The following C8orf34 variants were observed in gnomAD, a reference collection of about 807,000 sequenced individuals.
The protein encoded by C8orf34 is uncharacterized protein C8orf34.
In C8orf34, 65 loss-of-function variants were observed where a neutral mutation model predicts 68.3. The ratio of observed to expected loss-of-function variants is 0.95; its 90% CI spans 0.78 to 1.17. The LOEUF (loss-of-function observed/expected upper bound fraction) is 1.17, where lower values mean the gene tolerates loss of function less well. Among genes scored for constraint, C8orf34 ranks in the 50% most tolerant of loss-of-function variants. C8orf34 has a pLI of 0.00. For missense variants in C8orf34, 664 were observed against 655.4 expected, an observed-to-expected ratio of 1.01 and a Z score of -0.14; for synonymous variants, 244 against 241.2, an observed-to-expected ratio of 1.01 and a Z score of -0.11.
intron 7 of C8orf34, among the ~76,000 whole-genome samples, chr8:68,583,748 CT>C (rs920543583): frequency 1.2e-4 from 18 of 151,982 alleles, no homozygotes; most frequent in African/African-American, 3.1e-4. Context: ...ATAAACAATG[CT>C]TTTTTTTCAA....
chr8:68,369,845 T>C (rs758831643), intron 1 of C8orf34, among the ~76,000 whole-genome samples: 1 of 152,136 alleles, frequency 6.6e-6, no homozygotes, highest in Non-Finnish European at 1.5e-5. Flanking sequence ...GCACTTCGAG[T>C]ATCATTGGAT....
intron 10 of C8orf34, among the ~76,000 whole-genome samples, chr8:68,760,388 A>G (rs1193400143): frequency 6.6e-6 from 1 of 152,224 alleles, no homozygotes; most frequent in Non-Finnish European, 1.5e-5. Context: ...CTTGCCTCAG[A>G]GGCCACACAT....
chr8:68,690,213 A>G (rs1268378789), intron 8 of C8orf34, among the ~76,000 whole-genome samples: 2 of 151,936 alleles, frequency 1.3e-5, no homozygotes, highest in African/African-American at 2.4e-5. Context: ...TTTTTTTTAT[A>G]TGAGTGTTAG....
intron 5 of C8orf34, among the ~76,000 whole-genome samples, chr8:68,514,748 CT>C (rs1193216834): frequency 1.3e-5 from 2 of 152,066 alleles, no homozygotes; most frequent in Non-Finnish European, 2.9e-5. Context: ...TGTGACTGGG[CT>C]TTTGTAGTCC....
chr8:68,563,533 A>G (rs76935536), intron 7 of C8orf34, among the ~76,000 whole-genome samples: 1,553 of 152,258 alleles, frequency 0.01, 36 homozygotes, highest in African/African-American at 0.034. Flanking sequence ...TTCTTTCTCA[A>G]ATGGAATGAC....
intron 1 of C8orf34, among the ~76,000 whole-genome samples, chr8:68,432,013 T>C (rs1810471866): frequency 6.6e-6 from 1 of 152,120 alleles, no homozygotes; most frequent in African/African-American, 2.4e-5. Flanking sequence ...AAATCATGTT[T>C]AAGAAAGCCA....
chr8:68,352,553 T>C (rs1806555253), intron 1 of C8orf34, among the ~76,000 whole-genome samples: 1 of 152,112 alleles, frequency 6.6e-6, no homozygotes, highest in South Asian at 2.1e-4. Flanking sequence ...GGCTGTCAAG[T>C]TGCTGGGGAA....
intron 4 of C8orf34, among the ~76,000 whole-genome samples, chr8:68,478,359 C>T (rs2129630856): frequency 6.6e-6 from 1 of 152,266 alleles, no homozygotes; most frequent in East Asian, 1.9e-4. Context: ...GCCTGGGCTT[C>T]ATTGTCCATA....
chr8:68,406,548 G>T (rs1357936418), intron 1 of C8orf34, among the ~76,000 whole-genome samples: 2 of 152,078 alleles, frequency 1.3e-5, no homozygotes, highest in Non-Finnish European at 2.9e-5. Context: ...CCAGGCTAGA[G>T]TGCAGTGGCG....
intron 7 of C8orf34, among the ~76,000 whole-genome samples, chr8:68,562,800 G>C (rs969830329): frequency 1.3e-5 from 2 of 152,158 alleles, no homozygotes; most frequent in African/African-American, 4.8e-5. Context: ...TAAGTGGTAC[G>C]ACTTGTTCTT....
At chr8:68,540,539 T>C (rs1450475511) in intron 7 of C8orf34, among the ~76,000 whole-genome samples, 1 of 152,010 alleles carries the variant, frequency 6.6e-6, no homozygotes, top group Admixed American at 6.6e-5. Context: ...GAGGACTCTG[T>C]ATTTAAAGAG....
intron 10 of C8orf34, among the ~76,000 whole-genome samples, chr8:68,755,887 C>G (rs1287235798): frequency 6.7e-6 from 1 of 149,858 alleles, no homozygotes; most frequent in African/African-American, 2.5e-5. Flanking sequence ...GGTGAAACCC[C>G]GTCTCTACTA....
At chr8:68,337,840 C>A (rs2129617890) in intron 1 of C8orf34, among the ~76,000 whole-genome samples, 1 of 152,276 alleles carries the variant, frequency 6.6e-6, no homozygotes, top group African/African-American at 2.4e-5. Context: ...TAAGCATATG[C>A]ATTTTCCTCT....
chr8:68,777,875 A>G (rs1823566815), intron 11 of C8orf34, among the ~76,000 whole-genome samples: 1 of 152,186 alleles, frequency 6.6e-6, no homozygotes. Context: ...AAATATATAA[A>G]ATCTCTCCAG....
intron 8 of C8orf34, among the ~76,000 whole-genome samples, chr8:68,663,870 A>G (rs1343905723): frequency 6.6e-6 from 1 of 152,224 alleles, no homozygotes; most frequent in Non-Finnish European, 1.5e-5. Flanking sequence ...TGCAAAATAG[A>G]CAATAAGTTT....
intron 7 of C8orf34, among the ~76,000 whole-genome samples, chr8:68,558,082 G>A (rs1318724394): frequency 6.6e-6 from 1 of 152,134 alleles, no homozygotes; most frequent in Non-Finnish European, 1.5e-5. Flanking sequence ...GGTTCAGAAG[G>A]TACTTCATCT....
chr8:68,534,430 A>T (rs559110854), intron 7 of C8orf34: 1 of 784,670 alleles, frequency 1.3e-6, no homozygotes, highest in East Asian at 1.3e-4. Context: ...AATCATTGTG[A>T]TCTGTGTTTG....
intron 9 of C8orf34, among the ~76,000 whole-genome samples, chr8:68,713,102 A>G (rs555258985): frequency 6.6e-6 from 1 of 152,166 alleles, no homozygotes; most frequent in Non-Finnish European, 1.5e-5. Context: ...CAAGATGGAA[A>G]TTAAAAAGTT....
chr8:68,788,362 T>A (rs1028450877), intron 12 of C8orf34, among the ~76,000 whole-genome samples: 1 of 152,148 alleles, frequency 6.6e-6, no homozygotes, highest in Admixed American at 6.5e-5. Flanking sequence ...AAAAGCCATT[T>A]TAAAATGTTC....
Sources: gnomAD v4.1 joint callset for allele counts (sites outside exome capture counted in the v4.1 genomes callset) on GRCh38, gnomAD v4.1.1 for gene constraint, MANE v1.5 for transcripts, NCBI Gene and HGNC (gene_info 2026-07-23, HGNC 2026-07-21) for gene names.